Variants in PDSS2 observed in about 807,000 individuals in gnomAD.
The protein encoded by PDSS2 is all trans-polyprenyl-diphosphate synthase PDSS2.
PDSS2 carries 31 observed loss-of-function variants against 44.5 expected under a neutral mutation model. The ratio of observed to expected loss-of-function variants is 0.70; its 90% CI spans 0.52 to 0.94. The LOEUF (loss-of-function observed/expected upper bound fraction) is 0.94, where lower values mean the gene tolerates loss of function less well. Ranked by LOEUF, PDSS2 falls within the 40% of genes least tolerant of loss-of-function variation. The pLI, the probability that PDSS2 is intolerant of heterozygous loss-of-function variation, is 0.00. For synonymous variants in PDSS2, 157 were observed against 180.3 expected, an observed-to-expected ratio of 0.87 and a Z score of 1.03; for missense variants, 452 against 482.2, an observed-to-expected ratio of 0.94 and a Z score of 0.59.
intron 6 of PDSS2, among the ~76,000 whole-genome samples, chr6:107,197,481 A>T: frequency 3.5e-5 from 1 of 28,600 alleles, no homozygotes; most frequent in African/African-American, 2.5e-4. Context: ...CCCCCATCTC[A>T]AAAAAAAAAA....
intron 4 of PDSS2, among the ~76,000 whole-genome samples, chr6:107,225,139 A>ATATATATATATATATATATATATATT (rs1562389013): frequency 8.4e-5 from 3 of 35,544 alleles, no homozygotes; most frequent in African/African-American, 6.0e-4. Flanking sequence ...ATATATTTTT[A>ATATATATATATATATATATATATATT]TATATATATA....
intron 2 of PDSS2, among the ~76,000 whole-genome samples, chr6:107,332,516 C>A (rs929914121): frequency 5.3e-5 from 8 of 151,914 alleles, no homozygotes; most frequent in South Asian, 2.1e-4. Flanking sequence ...GATATGCTTA[C>A]AAGATGACTT....
At chr6:107,425,320 CAGA>C (rs139431355) in intron 1 of PDSS2, among the ~76,000 whole-genome samples, 57,050 of 151,796 alleles carry the variant, frequency 0.38, 13,152 homozygotes, top group Middle Eastern at 0.64. Flanking sequence ...TTGGAGGGCT[CAGA>C]AGAAGACAGG....
At chr6:107,399,563 A>C (rs1258108493) in intron 1 of PDSS2, among the ~76,000 whole-genome samples, 1 of 152,206 alleles carries the variant, frequency 6.6e-6, no homozygotes, top group Non-Finnish European at 1.5e-5. Flanking sequence ...CCAAACACTG[A>C]TTTCCAACCA....
At chr6:107,282,570 T>TA (rs906672907) in intron 2 of PDSS2, among the ~76,000 whole-genome samples, 13 of 151,804 alleles carry the variant, frequency 8.6e-5, no homozygotes, top group African/African-American at 2.9e-4. Context: ...TTTTTTTTTT[T>TA]AATTATTTTT....
intron 1 of PDSS2, among the ~76,000 whole-genome samples, chr6:107,354,759 C>G (rs1778542590): frequency 6.6e-6 from 1 of 152,070 alleles, no homozygotes; most frequent in African/African-American, 2.4e-5. Context: ...GCTTGAGGAT[C>G]CTTACCTTAA....
At chr6:107,162,086 G>A (rs1001265008) in intron 7 of PDSS2, among the ~76,000 whole-genome samples, 3 of 152,090 alleles carry the variant, frequency 2.0e-5, no homozygotes, top group Non-Finnish European at 2.9e-5. Flanking sequence ...CTTGGTTTGG[G>A]CACATCATTG....
rs1775380559 is a variant in PDSS2, at chr6:107,265,377, TG to T, written c.630+8651del. Among the ~76,000 whole-genome samples, 4 of 152,212 alleles carry T rather than the reference TG, an allele frequency of 2.6e-5. No homozygotes were observed. In the South Asian group the frequency reaches 8.3e-4, roughly 32 times the overall value. On this transcript the variant is annotated intron_variant, in intron 3 of 7. Transcript: ENST00000369037. Reference sequence around the variant, plus strand: ...CCAGTAGCACAAGAAAATGAGAAATTGGTAGAATGAATAAGTCATAAAAAAT... The same window carrying T: ...CCAGTAGCACAAGAAAATGAGAAATTGTAGAATGAATAAGTCATAAAAAAT...
At chr6:107,310,081 C>T (rs761381152) in intron 2 of PDSS2, among the ~76,000 whole-genome samples, 6 of 151,924 alleles carry the variant, frequency 3.9e-5, no homozygotes, top group African/African-American at 1.2e-4. Context: ...GTCAGGAGAT[C>T]GAGACCATCC....
chr6:107,300,749 CAA>C (rs1776667869), intron 2 of PDSS2, among the ~76,000 whole-genome samples: 3 of 151,974 alleles, frequency 2.0e-5, no homozygotes, highest in Non-Finnish European at 2.9e-5. Flanking sequence ...AATTGAAAAA[CAA>C]AAAACAAAAA....
chr6:107,255,592 T>C (rs1008472657), intron 3 of PDSS2, among the ~76,000 whole-genome samples: 1 of 139,924 alleles, frequency 7.1e-6, no homozygotes, highest in Admixed American at 7.4e-5. Flanking sequence ...AGAGTGAAAC[T>C]CCATCTCAAA....
chr6:107,420,747 A>G (rs930207799), intron 1 of PDSS2, among the ~76,000 whole-genome samples: 1 of 152,158 alleles, frequency 6.6e-6, no homozygotes. Flanking sequence ...TTTAGAAGAG[A>G]ACATAGGAGA....
At chr6:107,177,379 C>T (rs539167710) in intron 7 of PDSS2, among the ~76,000 whole-genome samples, 2 of 152,242 alleles carry the variant, frequency 1.3e-5, no homozygotes, top group South Asian at 2.1e-4. Context: ...CCAGGTGATC[C>T]GCCCGCCTTG....
intron 7 of PDSS2, among the ~76,000 whole-genome samples, chr6:107,188,154 A>G (rs1046921297): frequency 1.3e-5 from 2 of 152,130 alleles, no homozygotes; most frequent in African/African-American, 4.8e-5. Context: ...AGGCGGGCAG[A>G]TCGCTTTGAG....
chr6:107,271,934 T>C (rs956553507), intron 3 of PDSS2, among the ~76,000 whole-genome samples: 1 of 151,976 alleles, frequency 6.6e-6, no homozygotes, highest in African/African-American at 2.4e-5. Context: ...TATGGCTGTA[T>C]GCACCTGTGG....
At chr6:107,321,451 T>C (rs916897253) in intron 2 of PDSS2, among the ~76,000 whole-genome samples, 1 of 152,224 alleles carries the variant, frequency 6.6e-6, no homozygotes, top group Non-Finnish European at 1.5e-5. Flanking sequence ...TTAAGTGTTT[T>C]AAGATTTCAC....
chr6:107,247,003 G>C (rs377670059), intron 3 of PDSS2, among the ~76,000 whole-genome samples: 1 of 152,174 alleles, frequency 6.6e-6, no homozygotes, highest in Non-Finnish European at 1.5e-5. Context: ...GTGGGGAAGA[G>C]AGAAAAATGA....
At chr6:107,350,578 G>A (rs1335944386) in intron 1 of PDSS2, among the ~76,000 whole-genome samples, 2 of 152,208 alleles carry the variant, frequency 1.3e-5, no homozygotes, top group Non-Finnish European at 2.9e-5. Context: ...TTGGGAGGCT[G>A]AGGGAGAAGG....
intron 3 of PDSS2, among the ~76,000 whole-genome samples, chr6:107,248,090 C>T (rs1171978138): frequency 6.6e-6 from 1 of 151,928 alleles, no homozygotes. Context: ...CTAGAGAGAC[C>T]ACAAGGCTAG....
Sources: gnomAD v4.1 joint callset for allele counts (sites outside exome capture counted in the v4.1 genomes callset) on GRCh38, gnomAD v4.1.1 for gene constraint, MANE v1.5 for transcripts, NCBI Gene and HGNC (gene_info 2026-07-23, HGNC 2026-07-21) for gene names.